Variants in ALCAM observed in about 807,000 individuals in gnomAD.
ALCAM encodes CD166 antigen.
A neutral mutation model predicts 70.9 loss-of-function variants in ALCAM; 30 were observed. That is an observed-to-expected ratio of 0.42 (90% CI 0.32 to 0.57). The LOEUF (loss-of-function observed/expected upper bound fraction) is 0.57. ALCAM is among the 20% of genes least tolerant of loss of function. The pLI, the probability that ALCAM is intolerant of heterozygous loss-of-function variation, is 0.11. For synonymous variants in ALCAM, 249 were observed against 242.5 expected, an observed-to-expected ratio of 1.03 and a Z score of -0.25; for missense variants, 591 against 695.1, an observed-to-expected ratio of 0.85 and a Z score of 1.68.
chr3:105,430,396 T>A (rs1936900281), intron 1 of ALCAM, among the ~76,000 whole-genome samples: 1 of 152,068 alleles, frequency 6.6e-6, no homozygotes, highest in African/African-American at 2.4e-5. Context: ...TTTACATTTT[T>A]AAAAATAATT....
At chr3:105,405,065 G>T (rs1433017045) in intron 1 of ALCAM, among the ~76,000 whole-genome samples, 1 of 151,930 alleles carries the variant, frequency 6.6e-6, no homozygotes, top group African/African-American at 2.4e-5. Flanking sequence ...ACCACTTGAG[G>T]TCGGGAATTC....
At position 105,520,046 on chromosome 3, in the gene ALCAM, CTT is replaced by C. The variant is rs11291806; in HGVS notation, c.74-11_74-10del. 2,764 of 1,342,860 alleles carry C rather than the reference CTT, an allele frequency of 2.1e-3. 3 individuals are homozygous for C. Among genetic ancestry groups the C allele is most frequent in the South Asian group, 4.2e-3 (295 of 69,412 alleles). 83.2% of individuals were successfully genotyped at this position (1,342,860 alleles called of 1,614,324 possible). On this transcript the variant is annotated intron_variant, in intron 1 of 15. Coordinates refer to ENST00000306107, the MANE Select transcript of ALCAM (RefSeq NM_001627.4). ...TTCTCTCTCTCTTTCTCTCTTCTTC[CTT>C]TTTTTTTTTCCCCCAAAGGCCTTGG...
intron 1 of ALCAM, among the ~76,000 whole-genome samples, chr3:105,403,930 A>G (rs1559779577): frequency 6.6e-6 from 1 of 151,528 alleles, no homozygotes; most frequent in African/African-American, 2.4e-5. Flanking sequence ...ACACTTAGAG[A>G]AATGCAAAAT....
At chr3:105,473,785 C>G (rs1938012917) in intron 1 of ALCAM, among the ~76,000 whole-genome samples, 1 of 151,612 alleles carries the variant, frequency 6.6e-6, no homozygotes, top group Admixed American at 6.6e-5. Flanking sequence ...ATCTTCTACA[C>G]CACTCTAACC....
chr3:105,413,260 G>C (rs184423963), intron 1 of ALCAM, among the ~76,000 whole-genome samples: 8 of 152,152 alleles, frequency 5.3e-5, no homozygotes, highest in Admixed American at 5.2e-4. Context: ...ATGTTTGATA[G>C]GTGTCAGTGG....
intron 1 of ALCAM, among the ~76,000 whole-genome samples, chr3:105,390,771 C>T (rs952890376): frequency 2.0e-5 from 3 of 151,500 alleles, no homozygotes; most frequent in African/African-American, 4.8e-5. Flanking sequence ...TTAATTTTGT[C>T]TGATGTATAA....
At chr3:105,528,444 T>A (rs1371196822) in intron 3 of ALCAM, among the ~76,000 whole-genome samples, 1 of 152,148 alleles carries the variant, frequency 6.6e-6, no homozygotes, top group African/African-American at 2.4e-5. Context: ...TAACTGCAGA[T>A]GATATAAAAC....
chr3:105,506,261 G>C (rs1276711287), intron 1 of ALCAM, among the ~76,000 whole-genome samples: 4 of 152,160 alleles, frequency 2.6e-5, no homozygotes, highest in Admixed American at 1.3e-4. Context: ...TCTAGGGGTG[G>C]TGTTCTTATT....
intron 1 of ALCAM, among the ~76,000 whole-genome samples, chr3:105,499,298 A>G (rs1386422712): frequency 6.6e-6 from 1 of 152,200 alleles, no homozygotes; most frequent in Non-Finnish European, 1.5e-5. Flanking sequence ...AGGTGAGAGG[A>G]GACCAAAACT....
chr3:105,562,859 G>A (rs187281882), intron 14 of ALCAM, among the ~76,000 whole-genome samples: 2 of 152,180 alleles, frequency 1.3e-5, no homozygotes, highest in Non-Finnish European at 1.5e-5. Context: ...AGGCTGGAGC[G>A]CAATGTCACG....
chr3:105,568,166 G>A (rs972050641), intron 14 of ALCAM, among the ~76,000 whole-genome samples: 11 of 150,244 alleles, frequency 7.3e-5, no homozygotes, highest in Admixed American at 3.3e-4. Context: ...GGGTTCAAGC[G>A]ATTCTCCTGC....
intron 1 of ALCAM, among the ~76,000 whole-genome samples, chr3:105,430,531 A>C (rs1559788903): frequency 6.6e-6 from 1 of 152,100 alleles, no homozygotes; most frequent in Non-Finnish European, 1.5e-5. Context: ...AAAACAACAG[A>C]GGCAAAATGG....
intron 1 of ALCAM, among the ~76,000 whole-genome samples, chr3:105,381,686 G>A (rs1935523949): frequency 6.6e-6 from 1 of 151,822 alleles, no homozygotes; most frequent in Non-Finnish European, 1.5e-5. Flanking sequence ...TAACTTAGGA[G>A]TATACAAGTG....
At chr3:105,384,668 C>T (rs896333751) in intron 1 of ALCAM, among the ~76,000 whole-genome samples, 1 of 151,482 alleles carries the variant, frequency 6.6e-6, no homozygotes, top group South Asian at 2.1e-4. Context: ...CAACACATTA[C>T]CACTGATAAC....
intron 1 of ALCAM, among the ~76,000 whole-genome samples, chr3:105,484,360 T>G (rs1407261123): frequency 6.6e-6 from 1 of 151,430 alleles, no homozygotes; most frequent in Non-Finnish European, 1.5e-5. Context: ...GATCCGGATA[T>G]CTGTGATATT....
intron 1 of ALCAM, among the ~76,000 whole-genome samples, chr3:105,512,401 G>A (rs1576212362): frequency 6.6e-6 from 1 of 151,898 alleles, no homozygotes; most frequent in East Asian, 1.9e-4. Flanking sequence ...TGCTAAAATA[G>A]GTGAATTGTA....
Position 105,414,484 on chromosome 3 carries a change from G to A in ALCAM, c.73+47003G>A, listed in dbSNP as rs114101496. ...AACTGTGAGATAGAATAGGAATACA[G>A]GATTGTCTGAATGGAGTGAATTGGA... On this transcript the variant is annotated intron_variant, in intron 1 of 15. Transcript: ENST00000306107. Among the ~76,000 whole-genome samples the A allele has an allele frequency of 1.3e-3, 201 of 152,140 alleles. 1 individual carries two copies. Among genetic ancestry groups the A allele is most frequent in the African/African-American group, 4.6e-3 (193 of 41,530 alleles).
chr3:105,528,533 A>C (rs1338182404), intron 3 of ALCAM, among the ~76,000 whole-genome samples: 2 of 152,204 alleles, frequency 1.3e-5, no homozygotes, highest in Admixed American at 1.3e-4. Flanking sequence ...ATGTAGCTTA[A>C]CTTTTCACTA....
chr3:105,390,946 T>C (rs1052165681), intron 1 of ALCAM, among the ~76,000 whole-genome samples: 5 of 152,106 alleles, frequency 3.3e-5, no homozygotes, highest in African/African-American at 1.2e-4. Context: ...TCTGTTCCAT[T>C]GGTCTATGTA....
Sources: allele counts gnomAD v4.1 joint callset (sites outside exome capture counted in the v4.1 genomes callset), GRCh38; gene constraint gnomAD v4.1.1; transcripts MANE v1.5; gene names NCBI Gene and HGNC (gene_info 2026-07-23, HGNC 2026-07-21).